The following NDST4 variants were observed in gnomAD, a reference collection of about 807,000 sequenced individuals.
The protein encoded by NDST4 is N-heparan sulfate sulfotransferase 4.
In NDST4, 63 loss-of-function variants were observed where a neutral mutation model predicts 100.8. The ratio of observed to expected loss-of-function variants is 0.62; its 90% CI spans 0.51 to 0.77. The LOEUF (loss-of-function observed/expected upper bound fraction) is 0.77, where lower values mean the gene tolerates loss of function less well. Ranked by LOEUF, NDST4 falls within the 30% of genes least tolerant of loss-of-function variation. The pLI is 0.00. For synonymous variants in NDST4, 377 were observed against 361.8 expected, an observed-to-expected ratio of 1.04 and a Z score of -0.48; for missense variants, 943 against 1,018.4, an observed-to-expected ratio of 0.93 and a Z score of 1.01.
At chr4:115,073,126 A>C (rs945627531) in intron 2 of NDST4, among the ~76,000 whole-genome samples, 6 of 152,174 alleles carry the variant, frequency 3.9e-5, no homozygotes, top group African/African-American at 1.4e-4. Context: ...ATATCACATC[A>C]TACCTATTAG....
At chr4:114,939,246 A>C (rs1216261456) in intron 4 of NDST4, among the ~76,000 whole-genome samples, 1 of 152,140 alleles carries the variant, frequency 6.6e-6, no homozygotes, top group Non-Finnish European at 1.5e-5. Context: ...TCATTACTTC[A>C]TGAGAAAAAT....
chr4:114,866,341 C>A lies in NDST4; in HGVS notation c.1719+4427G>T, dbSNP rs569166391. 1.6e-4 allele frequency among the ~76,000 whole-genome samples: 24 copies of A among 152,234 alleles called. No homozygotes were observed. The South Asian group carries it at 4.8e-3, about 30-fold the overall frequency. On this transcript the variant is annotated intron_variant, in intron 7 of 13. Coordinates refer to ENST00000264363, the MANE Select transcript of NDST4 (RefSeq NM_022569.3). ...GGCTTCTGGTGTACTCTTCATTGAC[C>A]AACATTTTTTTAAGTCACTTCACTC...
chr4:114,877,296 A>C (rs987639188), intron 6 of NDST4, among the ~76,000 whole-genome samples: 6 of 152,200 alleles, frequency 3.9e-5, no homozygotes, highest in African/African-American at 1.4e-4. Context: ...TTTTCCTAGA[A>C]TGGATTAAAT....
At chr4:114,939,268 C>G (rs971921759) in intron 4 of NDST4, among the ~76,000 whole-genome samples, 1 of 152,116 alleles carries the variant, frequency 6.6e-6, no homozygotes, top group South Asian at 2.1e-4. Context: ...TAGAGACAAG[C>G]GTGTCCAGAC....
At chr4:114,955,747 T>C (rs1458381308) in intron 4 of NDST4, 1 of 152,190 alleles carries the variant, frequency 6.6e-6, no homozygotes, top group Admixed American at 6.5e-5. Context: ...TGCAAAACCA[T>C]TTATTCAAGA....
At chr4:114,860,737 T>G (rs980017676) in intron 7 of NDST4, among the ~76,000 whole-genome samples, 1 of 152,224 alleles carries the variant, frequency 6.6e-6, no homozygotes, top group African/African-American at 2.4e-5. Context: ...AATGTATTTT[T>G]GAATGGCATA....
intron 2 of NDST4, among the ~76,000 whole-genome samples, chr4:115,019,920 T>A (rs1253340250): frequency 6.6e-6 from 1 of 152,018 alleles, no homozygotes; most frequent in Non-Finnish European, 1.5e-5. Flanking sequence ...ATGAGCCAAA[T>A]AAATTTCTGT....
intron 6 of NDST4, among the ~76,000 whole-genome samples, chr4:114,930,630 A>G (rs945797724): frequency 1.3e-5 from 2 of 152,150 alleles, no homozygotes; most frequent in African/African-American, 4.8e-5. Context: ...TTGACAGTGT[A>G]TCTTTTTCTT....
chr4:115,068,885 C>T (rs1578497402), intron 2 of NDST4, among the ~76,000 whole-genome samples: 1 of 151,380 alleles, frequency 6.6e-6, no homozygotes. Flanking sequence ...CTGCCCTCAC[C>T]AGTTAAAAGA....
rs35705864 is a variant in NDST4 at position 115,049,744 on chromosome 4, G to T, written c.978+26315C>A. On this transcript the variant is annotated intron_variant, in intron 2 of 13. Coordinates refer to ENST00000264363, the MANE Select transcript of NDST4 (RefSeq NM_022569.3). ...GAGACAATTTGGATGATGAGGGCCA[G>T]TGAGGTAAAAGTTGTTGGAGTTGGG... Among the ~76,000 whole-genome samples the T allele has an allele frequency of 2.7e-3, 416 of 152,262 alleles. 1 individual carries two copies. Among genetic ancestry groups the T allele is most frequent in the Non-Finnish European group, 4.7e-3 (320 of 68,024 alleles).
At chr4:115,062,487 T>C (rs986352129) in intron 2 of NDST4, among the ~76,000 whole-genome samples, 9 of 151,894 alleles carry the variant, frequency 5.9e-5, no homozygotes, top group African/African-American at 1.9e-4. Flanking sequence ...ATCATATTGA[T>C]ATATTTAACT....
chr4:115,038,791 C>T (rs1388371764), intron 2 of NDST4, among the ~76,000 whole-genome samples: 1 of 152,056 alleles, frequency 6.6e-6, no homozygotes, highest in African/African-American at 2.4e-5. Flanking sequence ...GCTTGGGCAA[C>T]ATAGTAAAAC....
intron 2 of NDST4, among the ~76,000 whole-genome samples, chr4:114,977,648 C>T (rs1258094134): frequency 1.3e-5 from 2 of 151,922 alleles, no homozygotes; most frequent in African/African-American, 2.4e-5. Context: ...GTCCTGTTTT[C>T]ATGGTAAGCA....
chr4:114,902,213 C>G (rs1724856261), intron 6 of NDST4, among the ~76,000 whole-genome samples: 1 of 151,782 alleles, frequency 6.6e-6, no homozygotes, highest in East Asian at 1.9e-4. Context: ...AGTTTATGAC[C>G]TGCATTATTT....
intron 7 of NDST4, among the ~76,000 whole-genome samples, chr4:114,854,988 T>C (rs1578345371): frequency 6.6e-6 from 1 of 152,222 alleles, no homozygotes; most frequent in Admixed American, 6.5e-5. Context: ...TGGGGTGAGA[T>C]GGCATCTCAT....
intron 1 of NDST4, among the ~76,000 whole-genome samples, chr4:115,101,013 A>C (rs530913692): frequency 9.3e-4 from 142 of 152,186 alleles, no homozygotes; most frequent in African/African-American, 3.3e-3. Flanking sequence ...TAGAAGTGTC[A>C]TGATTTGGTG....
intron 2 of NDST4, among the ~76,000 whole-genome samples, chr4:115,001,758 G>A (rs1727294626): frequency 6.6e-6 from 1 of 152,112 alleles, no homozygotes; most frequent in South Asian, 2.1e-4. Context: ...AAATAATTGT[G>A]TAAATGATGC....
intron 2 of NDST4, among the ~76,000 whole-genome samples, chr4:115,074,247 A>T (rs543067368): frequency 1.3e-5 from 2 of 152,128 alleles, no homozygotes; most frequent in African/African-American, 4.8e-5. Flanking sequence ...TTTGAGTAGC[A>T]GTGAGTGACA....
chr4:115,089,698 A>G (rs1274644693), intron 1 of NDST4, among the ~76,000 whole-genome samples: 1 of 151,982 alleles, frequency 6.6e-6, no homozygotes, highest in Non-Finnish European at 1.5e-5. Flanking sequence ...TTAGACACAC[A>G]GTAGATTAGT....
Sources: allele counts gnomAD v4.1 joint callset (sites outside exome capture counted in the v4.1 genomes callset), GRCh38; gene constraint gnomAD v4.1.1; transcripts MANE v1.5; gene names NCBI Gene and HGNC (gene_info 2026-07-23, HGNC 2026-07-21).